Variants in PSG1 observed in about 807,000 individuals in gnomAD.
PSG1 encodes pregnancy specific beta-1-glycoprotein 1.
Under a neutral mutation model 41.4 loss-of-function variants are expected in PSG1, and 60 were observed. The ratio of observed to expected loss-of-function variants is 1.45; its 90% CI spans 1.18 to 1.80. PSG1 has a LOEUF of 1.80. Ranked by LOEUF, PSG1 falls within the 40% of genes most tolerant of loss-of-function variation. PSG1 has a pLI of 0.00. For synonymous variants in PSG1, 256 were observed against 192.9 expected, an observed-to-expected ratio of 1.33 and a Z score of -2.71; for missense variants, 806 against 516.9, an observed-to-expected ratio of 1.56 and a Z score of -5.42.
rs1260665305 is a variant in PSG1, at chr19:42,872,034, T to C, written c.442A>G (p.Lys148Glu). 1 of 1,611,920 alleles carries C rather than the reference T, an allele frequency of 6.2e-7. No individual in the cohort carries two copies. The highest frequency in any genetic ancestry group is 1.7e-5 in the Admixed American group (1 of 59,832). The change falls in exon 3 of 6, where the codon AAG (lysine) becomes GAG (glutamate). Residue 148 changes from lysine (K) to glutamate (E), a missense_variant. Physicochemically the swap from Lys to Glu is moderately conservative, Grantham distance 56. Coordinates refer to ENST00000436291, the MANE Select transcript of PSG1 (RefSeq NM_001184825.2). Reference protein sequence around the residue: ...FTFTLHLETPKPSISSSNLNP... With the variant: ...FTFTLHLETPEPSISSSNLNP... ...AAGTTGCTGCTGGAGATGGAGGGCT[T>C]AGGAGTCTCCACTGTGCAGAAAACA... is the stretch of plus-strand genomic sequence containing the variant.
chr19:42,879,304 C>T (rs1301295088), intron 1 of PSG1, among the ~76,000 whole-genome samples: 3 of 151,276 alleles, frequency 2.0e-5, no homozygotes, highest in African/African-American at 7.3e-5. Flanking sequence ...AGGAGCACAC[C>T]ACCATACCTG....
chr19:42,879,199 C>T (rs779138286), intron 1 of PSG1, among the ~76,000 whole-genome samples: 17 of 147,798 alleles, frequency 1.2e-4, no homozygotes, highest in Non-Finnish European at 2.2e-4. Context: ...GTCGCCCAGG[C>T]TGGCATGCGG....
At chr19:42,878,814 G>A (rs535661482) in intron 1 of PSG1, among the ~76,000 whole-genome samples, 9 of 151,332 alleles carry the variant, frequency 5.9e-5, no homozygotes, top group Non-Finnish European at 8.8e-5. Context: ...TTGCACCCCA[G>A]TGCCTGGAAC....
intron 5 of PSG1, chr19:42,867,746 C>G (rs1178159056): frequency 1.1e-6 from 1 of 878,388 alleles, no homozygotes; most frequent in Admixed American, 2.1e-5. Context: ...CTGCTATAAG[C>G]TGTAGATAGA....
chr19:42,878,025 G>T lies in PSG1; in HGVS notation c.318C>A (p.Ser106=), dbSNP rs776170760. 8 of 1,612,374 alleles carry T rather than the reference G, an allele frequency of 5.0e-6. No homozygotes were observed. Among genetic ancestry groups the T allele is most frequent in the Non-Finnish European group, 6.8e-6 (8 of 1,179,160 alleles). ...SGRETAYSNA[S]LLIQNVTRED... ...CCCGGGTGACATTCTGGATCAGCAGGGATGCATTGGAATATGCTGTTTCTC... is the reference window on the plus strand; with the variant it reads ...CCCGGGTGACATTCTGGATCAGCAGTGATGCATTGGAATATGCTGTTTCTC... Residue 106 remains serine (S), a synonymous_variant, in exon 2 of 6, where the codon TCC becomes TCA. Coordinates refer to ENST00000436291, the MANE Select transcript of PSG1 (RefSeq NM_001184825.2).
intron 3 of PSG1, 67 bp from the exon 4 acceptor site, chr19:42,869,101 A>T: frequency 5.7e-6 from 9 of 1,588,990 alleles, no homozygotes; most frequent in Non-Finnish European, 7.7e-6. Flanking sequence ...GTATCCTTCA[A>T]TCAGAGTTGG....
intron 2 of PSG1, among the ~76,000 whole-genome samples, chr19:42,873,272 A>G (rs983625743): frequency 1.3e-5 from 2 of 151,824 alleles, no homozygotes; most frequent in African/African-American, 2.4e-5. Context: ...TTTGCAGTAC[A>G]TGTACTGGTT....
intron 2 of PSG1, among the ~76,000 whole-genome samples, chr19:42,874,810 A>G (rs560276231): frequency 6.6e-6 from 1 of 151,606 alleles, no homozygotes; most frequent in Non-Finnish European, 1.5e-5. Context: ...GGATGGCGTC[A>G]TGAGTGAGGA....
rs1306524414 is a variant in PSG1 at position 42,868,782 on chromosome 19, C to T, written c.962G>A (p.Ser321Asn). ...GAGGACATTCAGGGTGACTGGGTCA[C>T]TGCGGATGCCACCATATCGGTCCCG... The part of the protein sequence containing the change: ...EIRDRYGGIR[S>N]DPVTLNVLYG... Residue 321 changes from serine to asparagine, a missense_variant, in exon 4 of 6, where the codon AGT becomes AAT. Coordinates refer to ENST00000436291, the MANE Select transcript of PSG1 (RefSeq NM_001184825.2). 2 of 1,612,000 alleles carry T rather than the reference C, an allele frequency of 1.2e-6. No individual in the cohort carries two copies. Among genetic ancestry groups the T allele is most frequent in the Non-Finnish European group, 1.7e-6 (2 of 1,179,046 alleles).
At chr19:42,868,476 C>A in intron 4 of PSG1, 121 bp from the exon 5 acceptor site, 1 of 1,481,542 alleles carries the variant, frequency 6.7e-7, no homozygotes, top group East Asian at 2.3e-5. Flanking sequence ...CAGCCCAACC[C>A]CCTCTATGTT....
chr19:42,879,705 G>A lies in PSG1; in HGVS notation c.-124C>T, dbSNP rs1600522986. 10 of 1,426,992 alleles carry A rather than the reference G, an allele frequency of 7.0e-6. 1 individual carries two copies. The highest frequency in any genetic ancestry group is 1.3e-5 in the South Asian group (1 of 76,478). 88.4% of individuals were successfully genotyped at this position (1,426,992 alleles called of 1,614,324 possible). A position where few individuals can be genotyped will look rare whatever the true frequency, so the allele number is the denominator to read the frequency against. On this transcript the variant is annotated 5_prime_UTR_variant, in exon 1 of 6. Transcript: ENST00000436291. ...TGCTGAGCCTCTTCCCAGGGCAGGA[G>A]CAATTCTCAAGCTCATGGGCAGGGT... is the stretch of plus-strand genomic sequence containing the variant.
At chr19:42,868,720 G>C in intron 4 of PSG1, 36 bp downstream of exon 4, 1 of 1,607,654 alleles carries the variant, frequency 6.2e-7, no homozygotes, top group South Asian at 1.1e-5. Flanking sequence ...GATTTAAGCT[G>C]GTGTCCTGGC....
At position 42,878,169 on chromosome 19, in the gene PSG1, C is replaced by A. The variant is rs536318538; in HGVS notation, c.174G>T (p.Leu58Phe). 39 of 1,612,164 alleles carry A rather than the reference C, an allele frequency of 2.4e-5. 1 individual carries two copies. In the East Asian group the frequency reaches 8.0e-4, roughly 33 times the overall value. ...GKDVLLLVHN[L>F]PQNLTGYIWY... ...AGATGTAGCCGGTAAGATTCTGGGGCAAATTGTGGACAAGTAGAAGAACAT... is the reference window on the plus strand; with the variant it reads ...AGATGTAGCCGGTAAGATTCTGGGGAAAATTGTGGACAAGTAGAAGAACAT... Residue 58 changes from leucine (L) to phenylalanine (F), a missense_variant, in exon 2 of 6, where the codon TTG becomes TTT. Leu to Phe is a conservative substitution (Grantham distance 22). Transcript: ENST00000436291.
In PSG1 at chr19:42,871,995, T is replaced by C. The variant is rs2074845; in HGVS notation, c.481A>G (p.Thr161Ala). 113 of 1,612,302 alleles carry C rather than the reference T, an allele frequency of 7.0e-5. 3 individuals are homozygous for C. The highest frequency in any genetic ancestry group is 5.8e-4 in the East Asian group (26 of 44,764). The stretch of plus-strand genomic sequence containing the variant: ...CAGGTTAAGCTCACAGCCTCCATGG[T>C]CTCCCTGGGATTTAAGTTGCTGCTG... ...ISSSNLNPRE[T>A]MEAVSLTCDP... Residue 161 changes from threonine (T) to alanine (A), a missense_variant, in exon 3 of 6, where the codon ACC becomes GCC. Thr to Ala is a moderately conservative substitution (Grantham distance 58). Transcript: ENST00000436291.
Position 42,872,046 on chromosome 19 carries a change from C to A in PSG1, c.431-1G>T. 6.2e-7 allele frequency: 1 copy of A among 1,610,418 alleles called. No individual in the cohort carries two copies. ...GAGATGGAGGGCTTAGGAGTCTCCA[C>A]TGTGCAGAAAACAGGGTGAAGATTG... On this transcript the variant is annotated splice_acceptor_variant, in intron 2 of 5. Transcript: ENST00000436291. LOFTEE classifies it high-confidence loss of function.
intron 1 of PSG1, among the ~76,000 whole-genome samples, chr19:42,878,615 G>C (rs1971728123): frequency 7.0e-6 from 1 of 142,114 alleles, no homozygotes; most frequent in Non-Finnish European, 1.5e-5. Context: ...TTACATCAGG[G>C]CATCGTTAGA....
intron 3 of PSG1, 41 bp downstream of exon 3, chr19:42,871,726 G>A (rs1169750962): frequency 1.1e-5 from 18 of 1,612,586 alleles, no homozygotes; most frequent in Non-Finnish European, 1.4e-5. Context: ...ACGTGTATTT[G>A]GGATGGCAGC....
At chr19:42,868,564 A>G (rs112725946) in intron 4 of PSG1, among the ~76,000 whole-genome samples, 192 bp downstream of exon 4, 18,778 of 150,362 alleles carry the variant, frequency 0.12, 1,554 homozygotes, top group Admixed American at 0.17. Flanking sequence ...TGATAAGAGC[A>G]TCCCCTCCCC....
intron 1 of PSG1, among the ~76,000 whole-genome samples, chr19:42,879,134 C>G (rs1055317119): frequency 5.4e-5 from 8 of 148,892 alleles, no homozygotes; most frequent in African/African-American, 1.8e-4. Context: ...CCAACAGAGC[C>G]TTCTTTCCTT....
Sources: allele counts gnomAD v4.1 joint callset (sites outside exome capture counted in the v4.1 genomes callset), GRCh38; gene constraint gnomAD v4.1.1; transcripts MANE v1.5; gene names NCBI Gene and HGNC (gene_info 2026-07-23, HGNC 2026-07-21).